HDAC9: variants seen among roughly 807,000 people sequenced by gnomAD.
The protein encoded by HDAC9 is histone deacetylase 9, also known as MEF-2 interacting transcription repressor (MITR) protein.
Under a neutral mutation model 139.4 loss-of-function variants are expected in HDAC9, and 41 were observed. The ratio of observed to expected loss-of-function variants is 0.29; its 90% CI spans 0.23 to 0.38. The LOEUF (loss-of-function observed/expected upper bound fraction) is 0.38. Among genes scored for constraint, HDAC9 ranks in the 10% least tolerant of loss-of-function variants. The pLI is 1.00. For missense variants in HDAC9, 1,147 were observed against 1,297.0 expected, an observed-to-expected ratio of 0.88 and a Z score of 1.78; for synonymous variants, 517 against 476.2, an observed-to-expected ratio of 1.09 and a Z score of -1.12.
intron 22 of HDAC9, among the ~76,000 whole-genome samples, chr7:18,911,531 A>G (rs1351632241): frequency 1.3e-5 from 2 of 150,744 alleles, no homozygotes; most frequent in Non-Finnish European, 1.5e-5. Flanking sequence ...TCTCTGAAAC[A>G]TTATTTCTTT....
At chr7:18,774,834 A>T (rs1313480383) in intron 16 of HDAC9, among the ~76,000 whole-genome samples, 1 of 152,008 alleles carries the variant, frequency 6.6e-6, no homozygotes, top group Non-Finnish European at 1.5e-5. Flanking sequence ...CTTTGCATTC[A>T]CAACTTGGCT....
chr7:18,774,682 G>A (rs150201134), intron 16 of HDAC9, among the ~76,000 whole-genome samples: 30 of 152,154 alleles, frequency 2.0e-4, no homozygotes, highest in African/African-American at 3.1e-4. Context: ...TGGATAAAGC[G>A]TTGGCTCAAG....
intron 1 of HDAC9, among the ~76,000 whole-genome samples, chr7:18,151,204 T>C (rs559709894): frequency 6.6e-6 from 1 of 152,338 alleles, no homozygotes; most frequent in East Asian, 1.9e-4. Context: ...ATTTTCAGTT[T>C]CAAAGGTGGC....
At chr7:18,445,764 A>C (rs989916219) in intron 1 of HDAC9, among the ~76,000 whole-genome samples, 4 of 152,240 alleles carry the variant, frequency 2.6e-5, no homozygotes, top group African/African-American at 9.6e-5. Flanking sequence ...ACCTCCTTTT[A>C]TGCATGGTTA....
At chr7:18,229,739 T>C (rs967318396) in intron 2 of HDAC9, among the ~76,000 whole-genome samples, 1 of 152,180 alleles carries the variant, frequency 6.6e-6, no homozygotes, top group Non-Finnish European at 1.5e-5. Context: ...GAGCTGCTGC[T>C]GTCTTTGAAC....
intron 1 of HDAC9, among the ~76,000 whole-genome samples, chr7:18,316,666 A>G (rs563726776): frequency 1.4e-5 from 2 of 147,226 alleles, no homozygotes; most frequent in African/African-American, 2.5e-5. Flanking sequence ...GCTGGGTGTC[A>G]TGGCGCACAC....
chr7:18,132,764 G>A (rs1308224100), intron 1 of HDAC9, among the ~76,000 whole-genome samples: 1 of 152,180 alleles, frequency 6.6e-6, no homozygotes, highest in African/African-American at 2.4e-5. Flanking sequence ...TTTATTGTCA[G>A]TAAAATAAAG....
intron 6 of HDAC9, among the ~76,000 whole-genome samples, chr7:18,620,956 T>C (rs1212050611): frequency 2.0e-5 from 3 of 152,164 alleles, no homozygotes; most frequent in Non-Finnish European, 4.4e-5. Context: ...ACTCACACAA[T>C]GATGTACATA....
chr7:18,879,137 A>C (rs1468913282), intron 22 of HDAC9, among the ~76,000 whole-genome samples: 13 of 151,978 alleles, frequency 8.6e-5, no homozygotes, highest in Admixed American at 6.6e-4. Flanking sequence ...GAATTACAAA[A>C]CTCTGCTCAA....
chr7:18,790,323 A>T (rs1161216962), intron 16 of HDAC9, among the ~76,000 whole-genome samples: 1 of 152,186 alleles, frequency 6.6e-6, no homozygotes, highest in African/African-American at 2.4e-5. Context: ...AGTAATTAAG[A>T]TTAAATTAGG....
chr7:18,655,539 A>G (rs1790840855), intron 11 of HDAC9, among the ~76,000 whole-genome samples: 1 of 152,198 alleles, frequency 6.6e-6, no homozygotes, highest in African/African-American at 2.4e-5. Flanking sequence ...ATTCATATAG[A>G]TGTATTTCAC....
intron 17 of HDAC9, among the ~76,000 whole-genome samples, chr7:18,821,215 G>T (rs530963138): frequency 1.3e-5 from 2 of 152,330 alleles, no homozygotes; most frequent in Admixed American, 6.5e-5. Flanking sequence ...CCTCATCGCT[G>T]CTTAAAGGCC....
chr7:18,263,226 T>C (rs1795790569), intron 2 of HDAC9, among the ~76,000 whole-genome samples: 1 of 152,326 alleles, frequency 6.6e-6, no homozygotes, highest in African/African-American at 2.4e-5. Context: ...AATATCAGTA[T>C]GTTGTGTGTC....
chr7:18,168,762 G>C (rs904642202), intron 2 of HDAC9, among the ~76,000 whole-genome samples: 1 of 151,940 alleles, frequency 6.6e-6, no homozygotes, highest in Non-Finnish European at 1.5e-5. Context: ...TCAACGTATA[G>C]CAGTTTTCTC....
At chr7:18,910,376 T>A (rs1233758620) in intron 22 of HDAC9, among the ~76,000 whole-genome samples, 2 of 151,954 alleles carry the variant, frequency 1.3e-5, no homozygotes, top group Non-Finnish European at 2.9e-5. Context: ...TACAGAAAGA[T>A]TACTGATTTT....
intron 6 of HDAC9, among the ~76,000 whole-genome samples, chr7:18,622,210 G>T (rs1386405391): frequency 6.6e-6 from 1 of 152,206 alleles, no homozygotes; most frequent in Non-Finnish European, 1.5e-5. Context: ...GCCAGAAAGG[G>T]ATCTGAAGCT....
intron 1 of HDAC9, among the ~76,000 whole-genome samples, chr7:18,292,629 G>C (rs894260951): frequency 6.6e-6 from 1 of 152,136 alleles, no homozygotes; most frequent in African/African-American, 2.4e-5. Flanking sequence ...TGCTCTTTTA[G>C]TAAATTAACC....
At chr7:18,899,970 A>G (rs1801548682) in intron 22 of HDAC9, among the ~76,000 whole-genome samples, 1 of 152,168 alleles carries the variant, frequency 6.6e-6, no homozygotes, top group Admixed American at 6.6e-5. Context: ...CACACACAGA[A>G]AGATGATAGA....
Position 18,154,962 on chromosome 7 carries a change from C to G in HDAC9, c.-96-7267C>G, listed in dbSNP as rs140362714. ...TGAGTTACAAAGCCCTCCTGCTGCA[C>G]AGGTATCAGAGGTTGTCTGTTACAA... On this transcript the variant is annotated intron_variant, in intron 1 of 12. Coordinates refer to the HDAC9 transcript ENST00000417496. Among the ~76,000 whole-genome samples the G allele has an allele frequency of 3.5e-3, 539 of 152,274 alleles. 3 individuals carry two copies. The highest frequency in any genetic ancestry group is 0.012 in the African/African-American group (513 of 41,554).
Sources: allele counts gnomAD v4.1 joint callset (sites outside exome capture counted in the v4.1 genomes callset), GRCh38; gene constraint gnomAD v4.1.1; transcripts MANE v1.5; gene names NCBI Gene and HGNC (gene_info 2026-07-23, HGNC 2026-07-21).